RAD50: variants seen among roughly 807,000 people sequenced by gnomAD.
RAD50 encodes RAD50 double strand break repair protein.
Under a neutral mutation model 168.8 loss-of-function variants are expected in RAD50, and 132 were observed. The ratio of observed to expected loss-of-function variants is 0.78; its 90% CI spans 0.68 to 0.90. The LOEUF is 0.90. Among genes scored for constraint, RAD50 ranks in the 40% least tolerant of loss-of-function variants. The pLI is 0.00. For synonymous variants in RAD50, 525 were observed against 497.4 expected (o/e 1.06, Z -0.74); for missense variants, 1,347 against 1,534.4 (o/e 0.88, Z 2.04).
At chr5:132,565,772 T>TC (rs1750197510) in intron 2 of RAD50, among the ~76,000 whole-genome samples, 1 of 152,302 alleles carries the variant, frequency 6.6e-6, no homozygotes, top group Admixed American at 6.5e-5. Context: ...AGGCTCTGAA[T>TC]CCCCACACTA....
chr5:132,557,165 G>A lies in RAD50; in HGVS notation c.-160G>A, dbSNP rs1750012583. 1 of 979,912 alleles carries A rather than the reference G, an allele frequency of 1.0e-6. No individual in the cohort carries two copies. The highest frequency in any genetic ancestry group is 1.6e-5 in the African/African-American group (1 of 62,434). The allele number at this position is 979,912 out of a possible 1,614,324, so 60.7% of individuals were successfully genotyped here. On this transcript the variant is annotated 5_prime_UTR_variant, in exon 1 of 25. Transcript: ENST00000378823. ...CCCCCGCCCCCTCTCTCCCGCTGTT[G>A]GCTGGCAGGATCTTTTGGCAGTCCT...
In RAD50 at chr5:132,557,433, C is replaced by G; in HGVS notation, c.109C>G (p.Pro37Ala). 1 of 1,614,176 alleles carries G rather than the reference C, an allele frequency of 6.2e-7. No individual in the cohort carries two copies. Among genetic ancestry groups the G allele is most frequent in the Non-Finnish European group, 8.5e-7 (1 of 1,180,008 alleles). ...FFSPLTILVGPNGAGKTTIIE... is the reference protein window; with the variant it reads ...FFSPLTILVGANGAGKTTIIE... ...CAGCCCCCTTACAATTTTGGTTGGA[C>G]CCAATGGGGCGGGAAAGACGGTAAG... Residue 37 changes from proline to alanine, a missense_variant, in exon 1 of 25, where the codon CCC (proline) becomes GCC (alanine). Transcript: ENST00000378823.
chr5:132,591,473 A>G lies in RAD50; in HGVS notation c.1635+67A>G, dbSNP rs1561640857. On this transcript the variant is annotated intron_variant, in intron 10 of 24. Transcript: ENST00000378823. ...TAAAATAGCCTACCTTGCACTCATA[A>G]GTCATAGACTATAAGGTATTAAGTT... 3.5e-6 allele frequency: 5 copies of G among 1,445,290 alleles called. No individual in the cohort carries two copies. The African/African-American group carries it at 4.3e-5, about 12-fold the overall frequency. The allele number at this position is 1,445,290 out of a possible 1,614,324, so 89.5% of individuals were successfully genotyped here.
In RAD50 at chr5:132,638,239, G is replaced by C. The variant is rs778929913; in HGVS notation, c.3618+16G>C. The C allele has an allele frequency of 6.2e-7, 1 of 1,614,026 alleles. No individual in the cohort carries two copies. The highest frequency in any genetic ancestry group is 8.5e-7 in the Non-Finnish European group (1 of 1,179,930). On this transcript the variant is annotated intron_variant, in intron 23 of 24. Transcript: ENST00000378823. ...TGGACAAAAGGCAGGTATCTCAAAA[G>C]CCTGGGGAGCCAACTCACCCAAGTA...
At chr5:132,629,921 A>T (rs1751433797) in intron 21 of RAD50, among the ~76,000 whole-genome samples, 1 of 152,234 alleles carries the variant, frequency 6.6e-6, no homozygotes, top group Non-Finnish European at 1.5e-5. Flanking sequence ...CCCCATACTA[A>T]TACAATATAC....
Position 132,587,906 on chromosome 5 carries a change from T to A in RAD50, c.886-18T>A. On this transcript the variant is annotated intron_variant, in intron 6 of 24. Transcript: ENST00000378823. ...CTTATGTTTGTACATTAAAGCTTTTTATTTTGGTGTTACACAGGTTTTTCA... is the reference window on the plus strand; with the variant it reads ...CTTATGTTTGTACATTAAAGCTTTTAATTTTGGTGTTACACAGGTTTTTCA... 6.2e-7 allele frequency: 1 copy of A among 1,610,702 alleles called. No individual in the cohort carries two copies. The highest frequency in any genetic ancestry group is 8.5e-7 in the Non-Finnish European group (1 of 1,177,312).
chr5:132,565,746 C>T (rs1750196965), intron 2 of RAD50, among the ~76,000 whole-genome samples: 1 of 152,166 alleles, frequency 6.6e-6, no homozygotes, highest in Non-Finnish European at 1.5e-5. Context: ...AGGTGGGCCC[C>T]CTTCTCATCA....
intron 21 of RAD50, among the ~76,000 whole-genome samples, chr5:132,631,280 C>A (rs148080164): frequency 1.3e-5 from 2 of 151,908 alleles, no homozygotes; most frequent in South Asian, 4.2e-4. Context: ...ACCACCACAC[C>A]GGCTAATTTT....
In RAD50 at chr5:132,608,763, G is replaced by A. The variant is rs774962696; in HGVS notation, c.2829+38G>A. 32 of 1,547,016 alleles carry A rather than the reference G, an allele frequency of 2.1e-5. 1 individual carries two copies. The Admixed American group carries it at 2.3e-4, about 11-fold the overall frequency. On this transcript the variant is annotated intron_variant, in intron 17 of 24. Transcript: ENST00000378823. Reference sequence around the variant, plus strand: ...TTATATATTTACTTATCAAATATCTGTATTAAACTTATGTTCATAGCACCA... The same window carrying A: ...TTATATATTTACTTATCAAATATCTATATTAAACTTATGTTCATAGCACCA...
rs1750766683 is a variant in RAD50 at position 132,595,063 on chromosome 5, A to G, written c.1969+19A>G. On this transcript the variant is annotated intron_variant, in intron 12 of 24. Transcript: ENST00000378823. ...CAGCGAGGTAAGTTGTCTACTTTAT[A>G]TTATCAGGATACTTTGACACCTTTG... The G allele has an allele frequency of 1.3e-6, 2 of 1,593,204 alleles. No individual in the cohort carries two copies. The highest frequency in any genetic ancestry group is 1.7e-6 in the Non-Finnish European group (2 of 1,162,074).
At position 132,603,933 on chromosome 5, in the gene RAD50, A is replaced by G. The variant is rs1188759790; in HGVS notation, c.2411A>G (p.Asp804Gly). ...IMERFQMELK[D>G]VERKIAQQAA... Reference sequence around the variant, plus strand: ...TATATTCTTAAGATGGAACTTAAAGATGTTGAAAGAAAAATTGCACAACAA... The same window carrying G: ...TATATTCTTAAGATGGAACTTAAAGGTGTTGAAAGAAAAATTGCACAACAA... Residue 804 changes from aspartate to glycine, a missense_variant, in exon 15 of 25, where the codon GAT (aspartate) becomes GGT (glycine). This residue lies in a region of RAD50 where 635 missense variants were observed against 739.2 expected (regional missense o/e 0.86). Transcript: ENST00000378823. 3 of 1,603,418 alleles carry G rather than the reference A, an allele frequency of 1.9e-6. No individual in the cohort carries two copies. Among genetic ancestry groups the G allele is most frequent in the East Asian group, 2.2e-5 (1 of 44,758 alleles).
At chr5:132,641,258 A>G (rs1751714380) in intron 24 of RAD50, among the ~76,000 whole-genome samples, 1 of 152,208 alleles carries the variant, frequency 6.6e-6, no homozygotes, top group Non-Finnish European at 1.5e-5. Flanking sequence ...CAAAAAGCTT[A>G]TTTGAGATTA....
intron 5 of RAD50, among the ~76,000 whole-genome samples, chr5:132,583,182 C>T (rs1750534722): frequency 6.6e-6 from 1 of 152,046 alleles, no homozygotes; most frequent in Admixed American, 6.6e-5. Flanking sequence ...CAAATGGTCT[C>T]ATTAATTGAA....
intron 23 of RAD50, among the ~76,000 whole-genome samples, chr5:132,638,735 C>G (rs1561659870): frequency 6.6e-6 from 1 of 152,140 alleles, no homozygotes; most frequent in Non-Finnish European, 1.5e-5. Flanking sequence ...CCACAGCATA[C>G]ACAAAGACTT....
chr5:132,557,052 C>T lies in RAD50; in HGVS notation c.-273C>T. ...GGGTCGCATTGTGGCTACGGCTTTG[C>T]GTCCCCGGCGGGCAGCCCCAGGCTG... On this transcript the variant is annotated 5_prime_UTR_variant, in exon 1 of 25. Transcript: ENST00000378823. 1 of 647,704 alleles carries T rather than the reference C, an allele frequency of 1.5e-6. No homozygotes were observed. The allele number at this position is 647,704 out of a possible 1,614,324, so 40.1% of individuals were successfully genotyped here. A position where few individuals can be genotyped will look rare whatever the true frequency, so the allele number is the denominator to read the frequency against.
intron 23 of RAD50, among the ~76,000 whole-genome samples, chr5:132,640,405 A>G (rs983519943): frequency 6.6e-6 from 1 of 152,166 alleles, no homozygotes; most frequent in African/African-American, 2.4e-5. Flanking sequence ...GTTGTAGCTG[A>G]TGTAATTTTT....
intron 21 of RAD50, among the ~76,000 whole-genome samples, chr5:132,634,499 A>G (rs1561657651): frequency 6.6e-6 from 1 of 152,162 alleles, no homozygotes; most frequent in African/African-American, 2.4e-5. Context: ...TGCAAAAATA[A>G]TGACAGGCTT....
At chr5:132,585,203 G>A (rs558993241) in intron 5 of RAD50, among the ~76,000 whole-genome samples, 21 of 152,244 alleles carry the variant, frequency 1.4e-4, no homozygotes, top group East Asian at 3.9e-4. Context: ...TTGCTAGGTC[G>A]TGTGGTAAAT....
Position 132,626,741 on chromosome 5 carries a change from A to AGTAT in RAD50, c.3389+8447_3389+8448insGTAT, listed in dbSNP as rs1751378152. Among the ~76,000 whole-genome samples the AGTAT allele has an allele frequency of 2.7e-5, 4 of 146,148 alleles. No homozygotes were observed. In the South Asian group the frequency reaches 9.0e-4, roughly 33 times the overall value. On this transcript the variant is annotated intron_variant, in intron 21 of 24. Coordinates refer to ENST00000378823, the MANE Select transcript of RAD50 (RefSeq NM_005732.4). ...ATAATCGATTTAATTATTGTATCTAACTCTGTTTTAAAGGGCAAGTATTTA... is the reference window on the plus strand; with the variant it reads ...ATAATCGATTTAATTATTGTATCTAAGTATCTCTGTTTTAAAGGGCAAGTATTTA...
Sources: gnomAD v4.1 joint callset for allele counts (sites outside exome capture counted in the v4.1 genomes callset) on GRCh38, gnomAD v4.1.1 for gene constraint, gnomAD v4.1.1 regional missense constraint, MANE v1.5 for transcripts, NCBI Gene and HGNC (gene_info 2026-07-23, HGNC 2026-07-21) for gene names.